RAB7A: variants seen among roughly 807,000 people sequenced by gnomAD.
The protein encoded by RAB7A is RAB7A, member RAS oncogene family.
Under a neutral mutation model 24.5 loss-of-function variants are expected in RAB7A, and 2 were observed. The observed-to-expected ratio is 0.08, with a 90% CI of 0.03 to 0.26. The LOEUF (loss-of-function observed/expected upper bound fraction) is 0.26. Among genes scored for constraint, RAB7A ranks in the 10% least tolerant of loss-of-function variants. RAB7A has a pLI of 1.00. For missense variants in RAB7A, 118 were observed against 255.7 expected (o/e 0.46, Z 3.67); for synonymous variants, 100 against 95.9 (o/e 1.04, Z -0.25).
intron 1 of RAB7A, among the ~76,000 whole-genome samples, chr3:128,749,741 G>A (rs1319903550): frequency 6.6e-6 from 1 of 152,192 alleles, no homozygotes; most frequent in African/African-American, 2.4e-5. Flanking sequence ...CGCCATCCAT[G>A]TGAGATGTGA....
intron 1 of RAB7A, among the ~76,000 whole-genome samples, chr3:128,759,646 A>G (rs2070761220): frequency 6.6e-6 from 1 of 151,748 alleles, no homozygotes; most frequent in Non-Finnish European, 1.5e-5. Context: ...GCGTTACAAC[A>G]CCCCATGGTA....
chr3:128,728,854 T>C (rs2070406392), intron 1 of RAB7A, among the ~76,000 whole-genome samples: 1 of 152,208 alleles, frequency 6.6e-6, no homozygotes, highest in Admixed American at 6.5e-5. Context: ...CAAAGGTACA[T>C]TTGGCATGCT....
intron 1 of RAB7A, among the ~76,000 whole-genome samples, chr3:128,757,956 GC>G (rs2070743857): frequency 6.6e-6 from 1 of 151,822 alleles, no homozygotes; most frequent in South Asian, 2.1e-4. Flanking sequence ...ACTGCGCCCA[GC>G]CTATTTTATT....
intron 1 of RAB7A, among the ~76,000 whole-genome samples, chr3:128,774,708 G>A (rs185620575): frequency 6.6e-6 from 1 of 152,336 alleles, no homozygotes; most frequent in East Asian, 1.9e-4. Context: ...GAGTAGCTGG[G>A]ACCACAGGCG....
Position 128,795,751 on chromosome 3 carries a change from CTT to C in RAB7A, c.53+347_53+348del, listed in dbSNP as rs71153147. Among the ~76,000 whole-genome samples, 28 of 43,032 alleles carry C rather than the reference CTT, an allele frequency of 6.5e-4. 3 individuals carry two copies. The highest frequency in any genetic ancestry group is 8.9e-4 in the African/African-American group (14 of 15,788). The allele number at this position is 43,032 out of a possible 152,430, so 28.2% of individuals were successfully genotyped here. On this transcript the variant is annotated intron_variant, in intron 2 of 5. Coordinates refer to ENST00000265062, the MANE Select transcript of RAB7A (RefSeq NM_004637.6). ...ATTGGCATCTGGCGTAGCAGATGTGCTTTTTTTTTTTTTTTTTGGAGACAGAG... is the reference window on the plus strand; with the variant it reads ...ATTGGCATCTGGCGTAGCAGATGTGCTTTTTTTTTTTTTTTGGAGACAGAG...
chr3:128,802,497 TTATG>T (rs909255101), intron 3 of RAB7A, among the ~76,000 whole-genome samples: 12 of 152,276 alleles, frequency 7.9e-5, no homozygotes, highest in Admixed American at 6.5e-5. Flanking sequence ...TTTATTTTAT[TTATG>T]TATGTATGTA....
chr3:128,791,766 C>T (rs986905539), intron 1 of RAB7A, among the ~76,000 whole-genome samples: 6 of 152,150 alleles, frequency 3.9e-5, no homozygotes, highest in Non-Finnish European at 7.4e-5. Flanking sequence ...GATACTTGCA[C>T]CCCCAGGATT....
At chr3:128,807,418 TC>T in intron 4 of RAB7A, 124 bp from the exon 5 acceptor site, 1 of 1,422,066 alleles carries the variant, frequency 7.0e-7, no homozygotes, top group Non-Finnish European at 9.8e-7. Context: ...ACACCCTCTT[TC>T]CCCATGTCTG....
chr3:128,751,464 T>G (rs2070680132), intron 1 of RAB7A, among the ~76,000 whole-genome samples: 1 of 152,248 alleles, frequency 6.6e-6, no homozygotes, highest in African/African-American at 2.4e-5. Flanking sequence ...ATTTAAGATT[T>G]AAATGCCCTG....
intron 1 of RAB7A, among the ~76,000 whole-genome samples, chr3:128,757,016 G>A (rs193179308): frequency 6.6e-6 from 1 of 151,992 alleles, no homozygotes; most frequent in African/African-American, 2.4e-5. Context: ...GCTCATTTTT[G>A]TATTTTTTAG....
chr3:128,732,553 G>A (rs73196980), intron 1 of RAB7A, among the ~76,000 whole-genome samples: 6,314 of 152,242 alleles, frequency 0.041, 179 homozygotes, highest in Non-Finnish European at 0.058. Flanking sequence ...AGGCATGGTG[G>A]TCAGTACTTT....
In RAB7A at chr3:128,795,429, C is replaced by G. The variant is rs1559794648; in HGVS notation, c.53+9C>G. The G allele has an allele frequency of 2.5e-6, 4 of 1,609,990 alleles. No homozygotes were observed. Among genetic ancestry groups the G allele is most frequent in the East Asian group, 2.2e-5 (1 of 44,844 alleles). On this transcript the variant is annotated intron_variant, in intron 2 of 5. Transcript: ENST00000265062. ...ATCCTGGGAGATTCTGGGTAAGTTA[C>G]TCATGAATTTGAGCTAACAGATTGG...
intron 1 of RAB7A, among the ~76,000 whole-genome samples, chr3:128,777,853 C>G (rs1241206741): frequency 6.6e-6 from 1 of 152,168 alleles, no homozygotes; most frequent in Non-Finnish European, 1.5e-5. Flanking sequence ...TCCCAAGTAG[C>G]TGGGATTACA....
chr3:128,735,313 C>G (rs1355063696), intron 1 of RAB7A, among the ~76,000 whole-genome samples: 1 of 152,048 alleles, frequency 6.6e-6, no homozygotes, highest in Non-Finnish European at 1.5e-5. Context: ...TGCAGTAGCT[C>G]TAATTTGGGA....
intron 1 of RAB7A, among the ~76,000 whole-genome samples, chr3:128,743,083 G>C (rs1481983368): frequency 3.3e-5 from 5 of 152,230 alleles, no homozygotes; most frequent in African/African-American, 1.2e-4. Context: ...AGGCAGCTGA[G>C]GCCTGGTGAG....
At chr3:128,727,179 T>G (rs2070388665) in intron 1 of RAB7A, among the ~76,000 whole-genome samples, 1 of 152,232 alleles carries the variant, frequency 6.6e-6, no homozygotes. Context: ...CAAGACCTTT[T>G]AACAGATCAT....
intron 5 of RAB7A, among the ~76,000 whole-genome samples, chr3:128,809,244 A>G (rs974958506): frequency 5.3e-5 from 8 of 152,328 alleles, no homozygotes; most frequent in African/African-American, 1.7e-4. Context: ...GGTGTATCTT[A>G]TTGTAAGTCA....
chr3:128,760,180 A>G (rs925135401), intron 1 of RAB7A, among the ~76,000 whole-genome samples: 11 of 152,134 alleles, frequency 7.2e-5, no homozygotes, highest in African/African-American at 2.7e-4. Context: ...GGCTGCTTAG[A>G]GAAGGAGGCT....
chr3:128,811,405 A>G (rs1005730066), intron 5 of RAB7A, among the ~76,000 whole-genome samples: 10 of 152,252 alleles, frequency 6.6e-5, no homozygotes, highest in Non-Finnish European at 1.0e-4. Flanking sequence ...ATGTCCATCA[A>G]CTGGTAAGTG....
Sources: gnomAD v4.1 joint callset for allele counts (sites outside exome capture counted in the v4.1 genomes callset) on GRCh38, gnomAD v4.1.1 for gene constraint, MANE v1.5 for transcripts, NCBI Gene and HGNC (gene_info 2026-07-23, HGNC 2026-07-21) for gene names.